The following TLR2 variants were observed in gnomAD, a reference collection of about 807,000 sequenced individuals.
The protein encoded by TLR2 is toll like receptor 2, also known as toll-like receptor 2.
Under a neutral mutation model 9.1 loss-of-function variants are expected in TLR2, and 7 were observed. The ratio of observed to expected loss-of-function variants is 0.77; its 90% CI spans 0.44 to 1.44. The LOEUF is 1.44. Among genes scored for constraint, TLR2 ranks in the 40% most tolerant of loss-of-function variants. The probability of loss-of-function intolerance (pLI) is 0.01; values close to 1 mark genes in which losing one functional copy is unlikely to be tolerated. For missense variants in TLR2, 812 were observed against 904.6 expected (o/e 0.90, Z 1.31); for synonymous variants, 317 against 344.6 (o/e 0.92, Z 0.89).
chr4:153,694,403 C>G lies in TLR2; in HGVS notation c.-17+6356C>G, dbSNP rs899839196. On this transcript the variant is annotated intron_variant, in intron 2 of 2. Coordinates refer to ENST00000642700, the MANE Select transcript of TLR2 (RefSeq NM_001318789.2). Reference sequence around the variant, plus strand: ...GCAAGATCTGGGGCCAGTTTATGGCCAGATTTGAGGGCCTGTTCCCAACAG... The same window carrying G: ...GCAAGATCTGGGGCCAGTTTATGGCGAGATTTGAGGGCCTGTTCCCAACAG... Among the ~76,000 whole-genome samples the G allele has an allele frequency of 3.4e-4, 51 of 152,154 alleles. 1 individual carries two copies. Among genetic ancestry groups the G allele is most frequent in the Admixed American group, 2.6e-4 (4 of 15,280 alleles).
At chr4:153,694,628 C>A (rs761145254) in intron 2 of TLR2, among the ~76,000 whole-genome samples, 3 of 152,296 alleles carry the variant, frequency 2.0e-5, no homozygotes, top group Non-Finnish European at 4.4e-5. Context: ...ATAATAACAT[C>A]ACGGTAAAAG....
chr4:153,703,779 G>GA lies in TLR2; in HGVS notation c.873dup (p.Val292SerfsTer3). ...GAGTTTGATGACTGTACCCTTAATG[G>GA]AGTTGGTAATTTTAGAGCATCTGAT... On this transcript the variant is annotated frameshift_variant, in exon 3 of 3. Transcript: ENST00000642700. LOFTEE classifies it low-confidence loss of function (END_TRUNC). 1 of 1,613,898 alleles carries GA rather than the reference G, an allele frequency of 6.2e-7. No individual in the cohort carries two copies. Among genetic ancestry groups the GA allele is most frequent in the African/African-American group, 1.3e-5 (1 of 75,048 alleles).
At chr4:153,707,397 A>C (rs936449311), downstream of TLR2, among the ~76,000 whole-genome samples, 4 of 152,040 alleles carry the variant, frequency 2.6e-5, no homozygotes, top group African/African-American at 7.2e-5. Flanking sequence ...AAAAATACAA[A>C]ATATTAGCAG....
chr4:153,691,156 T>C (rs1014589987), intron 2 of TLR2, among the ~76,000 whole-genome samples: 2 of 152,212 alleles, frequency 1.3e-5, no homozygotes, highest in Non-Finnish European at 2.9e-5. Context: ...ACAAGACCCA[T>C]CTGTAAAAAC....
At chr4:153,689,889 G>A (rs1457934506) in intron 2 of TLR2, among the ~76,000 whole-genome samples, 1 of 152,202 alleles carries the variant, frequency 6.6e-6, no homozygotes, top group African/African-American at 2.4e-5. Flanking sequence ...AGATGGCTGT[G>A]TTTGATGGTT....
rs778957670 is a variant in TLR2 at position 153,704,617 on chromosome 4, G to A, written c.1710G>A (p.Val570=). 1 of 1,613,536 alleles carries A rather than the reference G, an allele frequency of 6.2e-7. No individual in the cohort carries two copies. Among genetic ancestry groups the A allele is most frequent in the Non-Finnish European group, 8.5e-7 (1 of 1,179,960 alleles). The change falls in exon 3 of 3, where the codon GTG becomes GTA. Residue 570 remains valine (V), a synonymous_variant. Transcript: ENST00000642700. ...ANYLCDSPSH[V]RGQQVQDVRL... ...ACCTGTGTGACTCTCCATCCCATGT[G>A]CGTGGCCAGCAGGTTCAGGATGTCC...
chr4:153,706,344 T>C (rs1434638841), downstream of TLR2, among the ~76,000 whole-genome samples: 1 of 152,222 alleles, frequency 6.6e-6, no homozygotes, highest in East Asian at 1.9e-4. Flanking sequence ...TGACTCTCAG[T>C]TCCTGTTTTT....
chr4:153,709,692 A>G (rs1248710157), downstream of TLR2, among the ~76,000 whole-genome samples: 1 of 152,238 alleles, frequency 6.6e-6, no homozygotes, highest in Non-Finnish European at 1.5e-5. Flanking sequence ...CCACAATGGA[A>G]TGACTGTGCA....
intron 2 of TLR2, among the ~76,000 whole-genome samples, chr4:153,691,745 C>G (rs1736134188): frequency 6.6e-6 from 1 of 152,114 alleles, no homozygotes; most frequent in South Asian, 2.1e-4. Context: ...TTAATGTCCC[C>G]TAGTAATTTT....
At chr4:153,702,752 C>G (rs1286999414) in intron 2 of TLR2, 140 bp from the exon 3 acceptor site, 1 of 690,852 alleles carries the variant, frequency 1.4e-6, no homozygotes, top group South Asian at 2.2e-5. Context: ...GTTTCTCTCT[C>G]TCTCTCTCTT....
chr4:153,695,094 T>C (rs1432739651), intron 2 of TLR2, among the ~76,000 whole-genome samples: 1 of 152,212 alleles, frequency 6.6e-6, no homozygotes, highest in Non-Finnish European at 1.5e-5. Context: ...TTGGATTGCT[T>C]CTAGATCTTG....
At chr4:153,687,635 C>G (rs1553947979) in intron 1 of TLR2, among the ~76,000 whole-genome samples, 1 of 151,988 alleles carries the variant, frequency 6.6e-6, no homozygotes, top group Non-Finnish European at 1.5e-5. Flanking sequence ...TCCACCAAAT[C>G]ATAAATAGCC....
At chr4:153,694,417 T>C (rs1736345611) in intron 2 of TLR2, among the ~76,000 whole-genome samples, 1 of 152,258 alleles carries the variant, frequency 6.6e-6, no homozygotes, top group Non-Finnish European at 1.5e-5. Flanking sequence ...TTTGAGGGCC[T>C]GTTCCCAACA....
rs775012833 is a variant in TLR2, at chr4:153,705,079, T to C, written c.2172T>C (p.Leu724=). The C allele has an allele frequency of 5.0e-6, 8 of 1,613,994 alleles. No homozygotes were observed. In the South Asian group the frequency reaches 7.7e-5, roughly 16 times the overall value. Residue 724 remains leucine (L), a synonymous_variant, in exon 3 of 3, where the codon CTT becomes CTC. Transcript: ENST00000642700. Reference sequence around the variant, plus strand: ...AACTGGACTTCTCCCATTTCCGTCTTTTTGATGAGAACAATGATGCTGCCA... The same window carrying C: ...AACTGGACTTCTCCCATTTCCGTCTCTTTGATGAGAACAATGATGCTGCCA... ...KYELDFSHFR[L]FDENNDAAIL...
In TLR2 at chr4:153,705,215, C is replaced by T; in HGVS notation, c.2308C>T (p.Gln770Ter). The T allele has an allele frequency of 6.2e-7, 1 of 1,604,534 alleles. No homozygotes were observed. The highest frequency in any genetic ancestry group is 1.1e-5 in the South Asian group (1 of 90,300). The change falls in exon 3 of 3, where the codon CAG becomes TAG. Residue 770 changes from glutamine (Q) to a stop codon, truncating the protein, a stop_gained. Transcript: ENST00000642700. LOFTEE classifies it high-confidence loss of function. ...TYLEWPMDEA[Q>*]REGFWVNLRA... ...CCTGGAGTGGCCCATGGACGAGGCT[C>T]AGCGGGAAGGATTTTGGGTAAATCT...
chr4:153,704,788 C>T lies in TLR2; in HGVS notation c.1881C>T (p.Ala627=), dbSNP rs573981152. The change falls in exon 3 of 3, where the codon GCC becomes GCT. Residue 627 remains alanine (A), a synonymous_variant. Coordinates refer to ENST00000642700, the MANE Select transcript of TLR2 (RefSeq NM_001318789.2). Reference sequence around the variant, plus strand: ...AAATGATGTGGGCCTGGCTCCAGGCCAAAAGGAAGCCCAGGAAAGCTCCCA... The same window carrying T: ...AAATGATGTGGGCCTGGCTCCAGGCTAAAAGGAAGCCCAGGAAAGCTCCCA... ...YMKMMWAWLQ[A]KRKPRKAPSR... 1.5e-4 allele frequency: 244 copies of T among 1,613,790 alleles called. 1 individual carries two copies. The South Asian group carries it at 2.6e-3, about 17-fold the overall frequency.
At chr4:153,684,410 G>C (rs900796978) in intron 1 of TLR2, 50 bp downstream of exon 1, 4 of 152,296 alleles carry the variant, frequency 2.6e-5, no homozygotes, top group Admixed American at 2.0e-4. Context: ...CCCTTCCTGG[G>C]GTCGGGTCGG....
intron 2 of TLR2, among the ~76,000 whole-genome samples, chr4:153,696,929 C>G (rs371015786): frequency 1.3e-5 from 2 of 151,788 alleles, no homozygotes; most frequent in African/African-American, 4.8e-5. Context: ...AGGGAAACAA[C>G]TCGGAAAAGA....
At chr4:153,690,432 G>A (rs963170952) in intron 2 of TLR2, among the ~76,000 whole-genome samples, 2 of 152,208 alleles carry the variant, frequency 1.3e-5, no homozygotes, top group African/African-American at 4.8e-5. Flanking sequence ...AGTATAGCCT[G>A]GGGCATTATC....
Sources: gnomAD v4.1 joint callset for allele counts (sites outside exome capture counted in the v4.1 genomes callset) on GRCh38, gnomAD v4.1.1 for gene constraint, MANE v1.5 for transcripts, NCBI Gene and HGNC (gene_info 2026-07-23, HGNC 2026-07-21) for gene names.